UMAD1: variants seen among roughly 807,000 people sequenced by gnomAD.
UMAD1 encodes UBAP1-MVB12-associated (UMA)-domain containing protein 1.
Under a neutral mutation model 6.1 loss-of-function variants are expected in UMAD1, and 8 were observed. That is an observed-to-expected ratio of 1.30 (90% CI 0.76 to 2.35). The LOEUF is 2.35. UMAD1 is among the 30% of genes most tolerant of loss of function. The probability of loss-of-function intolerance (pLI) is 0.00; values close to 1 mark genes in which losing one functional copy is unlikely to be tolerated. For synonymous variants in UMAD1, 56 were observed against 31.4 expected, an observed-to-expected ratio of 1.78 and a Z score of -2.61; for missense variants, 130 against 78.4, an observed-to-expected ratio of 1.66 and a Z score of -2.49.
In UMAD1 at chr7:7,702,943, G is replaced by A. The variant is rs182520336; in HGVS notation, c.82+29490G>A. On this transcript the variant is annotated intron_variant, in intron 2 of 3. Transcript: ENST00000682710. ...GGAAAATCATTTATTTTTCACTTGC[G>A]TCATTCTCCAGTCCTGTTGTCGTGT... Among the ~76,000 whole-genome samples, 104 of 152,262 alleles carry A rather than the reference G, an allele frequency of 6.8e-4. 1 individual carries two copies. Among genetic ancestry groups the A allele is most frequent in the African/African-American group, 2.4e-3 (101 of 41,552 alleles).
At chr7:7,871,618 G>T (rs1050010527) in intron 3 of UMAD1, among the ~76,000 whole-genome samples, 16 of 152,136 alleles carry the variant, frequency 1.1e-4, no homozygotes, top group Non-Finnish European at 2.2e-4. Flanking sequence ...TGTCATCATT[G>T]TCATCCTAGT....
chr7:7,762,221 T>C (rs769931782), intron 2 of UMAD1, among the ~76,000 whole-genome samples: 2 of 152,168 alleles, frequency 1.3e-5, no homozygotes, highest in Non-Finnish European at 2.9e-5. Flanking sequence ...ACATTGGCTG[T>C]GTCATATGGG....
intron 3 of UMAD1, among the ~76,000 whole-genome samples, chr7:7,840,503 C>CATTGCGAAGCCAATTCTTCTTTT (rs1554334320): frequency 6.6e-6 from 1 of 150,972 alleles, no homozygotes; most frequent in Non-Finnish European, 1.5e-5. Context: ...TGAATGTTGG[C>CATTGCGAAGCCAATTCTTCTTTT]ATTGCCAAGC....
Position 7,877,780 on chromosome 7 carries a change from A to G in UMAD1, c.*242A>G. On this transcript the variant is annotated 3_prime_UTR_variant, in exon 4 of 4. Coordinates refer to ENST00000682710, the MANE Select transcript of UMAD1 (RefSeq NM_001302348.2). ...ATACAAATTAGGCTATGAAGGTTTTAGGAAAGGACTCGATTCCTTCAGATG... is the reference window on the plus strand; with the variant it reads ...ATACAAATTAGGCTATGAAGGTTTTGGGAAAGGACTCGATTCCTTCAGATG... 2.2e-6 allele frequency: 1 copy of G among 464,444 alleles called. No individual in the cohort carries two copies. Among genetic ancestry groups the G allele is most frequent in the East Asian group, 3.7e-5 (1 of 27,160 alleles). 28.8% of individuals were successfully genotyped at this position (464,444 alleles called of 1,614,324 possible).
chr7:7,752,841 T>G (rs1781703781), intron 2 of UMAD1, among the ~76,000 whole-genome samples: 1 of 152,192 alleles, frequency 6.6e-6, no homozygotes, highest in Admixed American at 6.5e-5. Context: ...CTGTTCTAAA[T>G]ATACTTCCAC....
intron 2 of UMAD1, among the ~76,000 whole-genome samples, chr7:7,713,278 A>G (rs1449821951): frequency 2.0e-5 from 3 of 152,058 alleles, no homozygotes; most frequent in Admixed American, 2.0e-4. Flanking sequence ...CAGGAGGCGG[A>G]GGTTGTGGTG....
At chr7:7,845,181 AT>A (rs1288220952) in intron 3 of UMAD1, among the ~76,000 whole-genome samples, 1 of 152,066 alleles carries the variant, frequency 6.6e-6, no homozygotes, top group Non-Finnish European at 1.5e-5. Context: ...TTCATTAATA[AT>A]TTTTTATACC....
intron 3 of UMAD1, among the ~76,000 whole-genome samples, chr7:7,832,280 A>G (rs189444342): frequency 2.0e-5 from 3 of 152,308 alleles, no homozygotes; most frequent in African/African-American, 7.2e-5. Flanking sequence ...CATTCAGTGG[A>G]AATATTTTCC....
intron 2 of UMAD1, among the ~76,000 whole-genome samples, chr7:7,710,381 A>T (rs1321505528): frequency 6.6e-6 from 1 of 152,190 alleles, no homozygotes; most frequent in East Asian, 1.9e-4. Flanking sequence ...ACAAAAAAAC[A>T]TAAAACCAAA....
chr7:7,779,946 A>G (rs1270919054), intron 2 of UMAD1, among the ~76,000 whole-genome samples: 2 of 152,144 alleles, frequency 1.3e-5, no homozygotes, highest in Non-Finnish European at 2.9e-5. Flanking sequence ...GCCCGGCCCA[A>G]GTTTCTTAAT....
intron 2 of UMAD1, among the ~76,000 whole-genome samples, chr7:7,722,602 A>C (rs1299285615): frequency 6.6e-6 from 1 of 152,176 alleles, no homozygotes; most frequent in Non-Finnish European, 1.5e-5. Context: ...GAAAATGATG[A>C]ATTCAGGGAT....
At chr7:7,815,151 G>C (rs1783100853) in intron 3 of UMAD1, among the ~76,000 whole-genome samples, 1 of 152,144 alleles carries the variant, frequency 6.6e-6, no homozygotes, top group Admixed American at 6.6e-5. Flanking sequence ...CACAGTGGCA[G>C]ATTTTCATAA....
chr7:7,833,085 G>A (rs979250871), intron 3 of UMAD1, among the ~76,000 whole-genome samples: 12 of 152,282 alleles, frequency 7.9e-5, no homozygotes, highest in African/African-American at 2.6e-4. Flanking sequence ...GGCAGCTTGG[G>A]ACCACAGTGT....
At chr7:7,780,558 C>G (rs984806183) in intron 2 of UMAD1, among the ~76,000 whole-genome samples, 3 of 152,152 alleles carry the variant, frequency 2.0e-5, no homozygotes, top group East Asian at 3.8e-4. Context: ...CACAAAATGT[C>G]GTTAGCGTCC....
At chr7:7,746,869 C>G (rs572130257) in intron 2 of UMAD1, among the ~76,000 whole-genome samples, 4 of 151,994 alleles carry the variant, frequency 2.6e-5, no homozygotes, top group African/African-American at 9.7e-5. Context: ...AATCCTGTTT[C>G]TTATTGCTAT....
chr7:7,816,465 G>A (rs928655640), intron 3 of UMAD1, among the ~76,000 whole-genome samples: 11 of 152,206 alleles, frequency 7.2e-5, no homozygotes, highest in Non-Finnish European at 1.5e-4. Context: ...GATGAGGCCG[G>A]GAGAGGAAGA....
At chr7:7,704,872 C>A (rs918705151) in intron 2 of UMAD1, among the ~76,000 whole-genome samples, 3 of 134,500 alleles carry the variant, frequency 2.2e-5, no homozygotes, top group Admixed American at 7.7e-5. Flanking sequence ...TGAAAAAAAA[C>A]GATGTGTTTT....
At chr7:7,797,762 G>C (rs1782717580) in intron 2 of UMAD1, among the ~76,000 whole-genome samples, 1 of 150,650 alleles carries the variant, frequency 6.6e-6, no homozygotes, top group African/African-American at 2.4e-5. Flanking sequence ...GATCTTGGCT[G>C]ACTGCAACCT....
chr7:7,826,030 T>C (rs1197289249), intron 3 of UMAD1, among the ~76,000 whole-genome samples: 2 of 152,206 alleles, frequency 1.3e-5, no homozygotes, highest in Admixed American at 1.3e-4. Flanking sequence ...GTAGTGTTTT[T>C]AAAGTTATAC....
Sources: gnomAD v4.1 joint callset for allele counts (sites outside exome capture counted in the v4.1 genomes callset) on GRCh38, gnomAD v4.1.1 for gene constraint, MANE v1.5 for transcripts, NCBI Gene and HGNC (gene_info 2026-07-23, HGNC 2026-07-21) for gene names.